The following BCL2L13 variants were observed in gnomAD, a reference collection of about 807,000 sequenced individuals.
BCL2L13 encodes the protein bcl-2-like protein 13.
BCL2L13 carries 13 observed loss-of-function variants against 25.8 expected under a neutral mutation model. The observed-to-expected ratio is 0.50, with a 90% CI of 0.33 to 0.80. BCL2L13 has a LOEUF of 0.80. Ranked by LOEUF, BCL2L13 falls within the 30% of genes least tolerant of loss-of-function variation. The pLI, the probability that BCL2L13 is intolerant of heterozygous loss-of-function variation, is 0.02. For synonymous variants in BCL2L13, 244 were observed against 230.3 expected (o/e 1.06, Z -0.54); for missense variants, 504 against 574.9 (o/e 0.88, Z 1.26).
intron 6 of BCL2L13, among the ~76,000 whole-genome samples, chr22:17,707,623 G>A (rs182358138): frequency 2.6e-5 from 4 of 152,234 alleles, no homozygotes; most frequent in Admixed American, 2.0e-4. Flanking sequence ...TGTAACTAAC[G>A]TATTATCCAA....
chr22:17,631,653 T>G (rs1260794478), intron 1 of BCL2L13, among the ~76,000 whole-genome samples: 4 of 46,242 alleles, frequency 8.7e-5, no homozygotes, highest in African/African-American at 2.5e-4. Flanking sequence ...TACGTGTGTG[T>G]ATGTATGTGT....
At chr22:17,680,265 C>T (rs1285744318) in intron 2 of BCL2L13, among the ~76,000 whole-genome samples, 3 of 140,278 alleles carry the variant, frequency 2.1e-5, no homozygotes, top group African/African-American at 7.9e-5. Flanking sequence ...AATCCCAACA[C>T]TTTGGGAGGC....
At chr22:17,715,414 T>C (rs2060920234) in intron 6 of BCL2L13, among the ~76,000 whole-genome samples, 1 of 150,860 alleles carries the variant, frequency 6.6e-6, no homozygotes, top group South Asian at 2.1e-4. Flanking sequence ...ACTCCTGGGC[T>C]CAAACAATCC....
At chr22:17,642,276 G>A (rs909685732) in intron 1 of BCL2L13, among the ~76,000 whole-genome samples, 1 of 151,692 alleles carries the variant, frequency 6.6e-6, no homozygotes, top group Non-Finnish European at 1.5e-5. Flanking sequence ...CTCAGTAACT[G>A]TAACTCAGAG....
At chr22:17,655,925 A>G in intron 2 of BCL2L13, 93 bp downstream of exon 2, 1 of 1,251,066 alleles carries the variant, frequency 8.0e-7, no homozygotes, top group South Asian at 1.7e-5. Context: ...GTGGTTATCA[A>G]ATAGTACTAA....
chr22:17,668,487 C>T (rs147101262), intron 2 of BCL2L13, among the ~76,000 whole-genome samples: 3 of 150,408 alleles, frequency 2.0e-5, no homozygotes, highest in Admixed American at 1.3e-4. Flanking sequence ...GAGTCTCGCT[C>T]TGTCGCCCAG....
At chr22:17,656,335 CTTTTTTTTTT>C (rs890631679) in intron 2 of BCL2L13, among the ~76,000 whole-genome samples, 41 of 57,874 alleles carry the variant, frequency 7.1e-4, no homozygotes, top group South Asian at 1.0e-3. Flanking sequence ...TCATTTTATT[CTTTTTTTTTT>C]TTTTTTTTTT....
upstream of BCL2L13, among the ~76,000 whole-genome samples, chr22:17,637,637 C>T (rs190445836): frequency 2.0e-5 from 3 of 151,940 alleles, no homozygotes; most frequent in African/African-American, 7.2e-5. Context: ...CTTGGCTTCT[C>T]AAAGTGCTGG....
intron 6 of BCL2L13, among the ~76,000 whole-genome samples, chr22:17,703,892 C>T (rs865949382): frequency 3.9e-5 from 6 of 152,262 alleles, no homozygotes; most frequent in Middle Eastern, 3.4e-3. Context: ...CCATTTATCC[C>T]ATATGGTGCT....
intron 5 of BCL2L13, among the ~76,000 whole-genome samples, chr22:17,696,463 T>C (rs1319672559): frequency 6.6e-6 from 1 of 152,216 alleles, no homozygotes; most frequent in African/African-American, 2.4e-5. Flanking sequence ...TCTTCATTTC[T>C]CTGTGTTAGA....
In BCL2L13 at chr22:17,656,335, C is replaced by CTTTTT. The variant is rs890631679; in HGVS notation, c.121+532_121+536dup. Among the ~76,000 whole-genome samples the CTTTTT allele has an allele frequency of 4.2e-3, 241 of 57,888 alleles. 37 individuals carry two copies. The highest frequency in any genetic ancestry group is 8.8e-3 in the East Asian group (10 of 1,140). 38.0% of individuals were successfully genotyped at this position (57,888 alleles called of 152,430 possible). The stretch of plus-strand genomic sequence containing the variant: ...CAAAAGTATTTTTTTTCATTTTATT[C>CTTTTT]TTTTTTTTTTTTTTTTTTTTTTTTT... On this transcript the variant is annotated intron_variant, in intron 2 of 6. Transcript: ENST00000317582.
At chr22:17,631,660 GTGTGTGTGTGTATATATATATATA>G (rs1164868945) in intron 1 of BCL2L13, among the ~76,000 whole-genome samples, 9 of 6,392 alleles carry the variant, frequency 1.4e-3, no homozygotes, top group African/African-American at 8.2e-3. Flanking sequence ...GTGTATGTAT[GTGTGTGTGTGTATATATATATATA>G]TATATATATA....
At chr22:17,697,394 C>T (rs915040143) in intron 5 of BCL2L13, among the ~76,000 whole-genome samples, 3 of 152,096 alleles carry the variant, frequency 2.0e-5, no homozygotes, top group African/African-American at 2.4e-5. Context: ...GCCAAGATTG[C>T]GCCATTGCAT....
At chr22:17,656,964 G>A (rs1024288932) in intron 2 of BCL2L13, among the ~76,000 whole-genome samples, 3 of 152,094 alleles carry the variant, frequency 2.0e-5, no homozygotes, top group African/African-American at 7.2e-5. Context: ...GACTATAGGC[G>A]CACGCTGCCA....
intron 6 of BCL2L13, among the ~76,000 whole-genome samples, chr22:17,715,125 TATATATATATA>T (rs2060879335): frequency 3.2e-4 from 1 of 3,106 alleles, no homozygotes; most frequent in Non-Finnish European, 6.0e-4. Flanking sequence ...GTTAATTTTA[TATATATATATA>T]TATATATATA....
chr22:17,690,634 G>A (rs2060079085), intron 4 of BCL2L13, among the ~76,000 whole-genome samples: 1 of 152,062 alleles, frequency 6.6e-6, no homozygotes. Flanking sequence ...GTGATGGCAT[G>A]TTCCTGTAGT....
intron 6 of BCL2L13, among the ~76,000 whole-genome samples, chr22:17,706,289 C>T (rs1298461464): frequency 6.6e-6 from 1 of 151,834 alleles, no homozygotes; most frequent in Non-Finnish European, 1.5e-5. Flanking sequence ...GGATTACAGG[C>T]ATGCGCCACC....
At chr22:17,639,137 C>T (rs1356744095) in intron 1 of BCL2L13, among the ~76,000 whole-genome samples, 2 of 152,200 alleles carry the variant, frequency 1.3e-5, no homozygotes, top group African/African-American at 4.8e-5. Flanking sequence ...GCGTGGGGTG[C>T]CGGAGGCGGA....
intron 1 of BCL2L13, among the ~76,000 whole-genome samples, chr22:17,646,955 A>ATTTTTTTTT (rs149460093): frequency 1.8e-3 from 40 of 22,190 alleles, no homozygotes; most frequent in South Asian, 5.3e-3. Flanking sequence ...ATATATATAT[A>ATTTTTTTTT]TTTTTTTTTT....
Sources: allele counts gnomAD v4.1 joint callset (sites outside exome capture counted in the v4.1 genomes callset), GRCh38; gene constraint gnomAD v4.1.1; transcripts MANE v1.5; gene names NCBI Gene and HGNC (gene_info 2026-07-23, HGNC 2026-07-21).